Variants in MGA observed in about 807,000 individuals in gnomAD.
MGA encodes the protein MAX dimerization protein MGA.
MGA carries 40 observed loss-of-function variants against 261.1 expected under a neutral mutation model. The observed-to-expected ratio is 0.15, with a 90% confidence interval of 0.12 to 0.20. The LOEUF (loss-of-function observed/expected upper bound fraction) is 0.20, where lower values mean the gene tolerates loss of function less well. Among genes scored for constraint, MGA ranks in the 10% least tolerant of loss-of-function variants. MGA has a pLI of 1.00. For missense variants in MGA, 3,397 were observed against 3,630.5 expected, an observed-to-expected ratio of 0.94 and a Z score of 1.65; for synonymous variants, 1,302 against 1,290.6, an observed-to-expected ratio of 1.01 and a Z score of -0.19.
chr15:41,627,700 G>A (rs1054993391), intron 1 of MGA, among the ~76,000 whole-genome samples: 1 of 152,158 alleles, frequency 6.6e-6, no homozygotes, highest in Non-Finnish European at 1.5e-5. Flanking sequence ...ACAGAAAAAG[G>A]ATAGTGGATA....
intron 5 of MGA, among the ~76,000 whole-genome samples, chr15:41,702,790 G>A (rs796733527): frequency 5.3e-5 from 8 of 152,100 alleles, no homozygotes; most frequent in African/African-American, 1.4e-4. Context: ...TGAAATTATC[G>A]TCTGTCTTTG....
intron 9 of MGA, among the ~76,000 whole-genome samples, chr15:41,717,591 G>A (rs2060709659): frequency 6.6e-6 from 1 of 152,124 alleles, no homozygotes; most frequent in South Asian, 2.1e-4. Context: ...ATAGGTGACT[G>A]CTTGCCTTAT....
At chr15:41,628,017 G>A (rs778907596) in intron 1 of MGA, among the ~76,000 whole-genome samples, 7 of 152,118 alleles carry the variant, frequency 4.6e-5, no homozygotes, top group Non-Finnish European at 1.0e-4. Context: ...ATTGAGCATT[G>A]AACAGGACAA....
chr15:41,711,410 G>T, intron 8 of MGA, 61 bp downstream of exon 8: 1 of 1,475,460 alleles, frequency 6.8e-7, no homozygotes, highest in Non-Finnish European at 9.0e-7. Context: ...CGAGGTTAGT[G>T]AGGGGAAATG....
upstream of MGA, among the ~76,000 whole-genome samples, chr15:41,656,377 T>TCTCTCTCTCTCTCTCACACA (rs1555403733): frequency 1.5e-4 from 10 of 68,318 alleles, no homozygotes; most frequent in Non-Finnish European, 2.4e-4. Flanking sequence ...TCTCTCTCTC[T>TCTCTCTCTCTCTCTCACACA]CACACCCAGG....
intron 2 of MGA, among the ~76,000 whole-genome samples, chr15:41,674,572 C>T (rs2058273423): frequency 6.6e-6 from 1 of 151,572 alleles, no homozygotes; most frequent in South Asian, 2.1e-4. Context: ...CAGGCTGAAA[C>T]GTAGTGGCGT....
intron 1 of MGA, among the ~76,000 whole-genome samples, chr15:41,666,151 T>A (rs1361465168): frequency 6.6e-6 from 1 of 151,318 alleles, no homozygotes; most frequent in African/African-American, 2.4e-5. Flanking sequence ...CACATGGGCC[T>A]CCTAAAGTGA....
chr15:41,693,535 G>C (rs1356963293), intron 2 of MGA, among the ~76,000 whole-genome samples: 1 of 152,042 alleles, frequency 6.6e-6, no homozygotes, highest in Non-Finnish European at 1.5e-5. Flanking sequence ...GGTTGCTTGT[G>C]CCTATTTTAA....
chr15:41,626,388 G>A (rs1010591271), intron 1 of MGA, among the ~76,000 whole-genome samples: 10 of 149,590 alleles, frequency 6.7e-5, no homozygotes, highest in African/African-American at 2.2e-4. Context: ...AAGTAGCTGT[G>A]ACTGCAGCTG....
At chr15:41,700,480 G>C (rs1392834204) in intron 5 of MGA, among the ~76,000 whole-genome samples, 1 of 152,116 alleles carries the variant, frequency 6.6e-6, no homozygotes, top group South Asian at 2.1e-4. Context: ...CCACTTACGA[G>C]TGAAAACATG....
At chr15:41,715,797 A>G (rs1193341759) in intron 9 of MGA, among the ~76,000 whole-genome samples, 1 of 152,182 alleles carries the variant, frequency 6.6e-6, no homozygotes, top group Non-Finnish European at 1.5e-5. Flanking sequence ...CTTTGTGTAA[A>G]TAAGATTTTA....
chr15:41,757,748 A>T, intron 18 of MGA, 40 bp from the exon 19 acceptor site: 1 of 1,541,344 alleles, frequency 6.5e-7, no homozygotes, highest in South Asian at 1.1e-5. Context: ...TTAGATTATT[A>T]AATTTCAGTA....
intron 1 of MGA, among the ~76,000 whole-genome samples, chr15:41,668,446 T>G (rs935964595): frequency 6.6e-6 from 1 of 152,202 alleles, no homozygotes; most frequent in African/African-American, 2.4e-5. Context: ...AAAGGAATCT[T>G]CTGGTAAATT....
In MGA at chr15:41,663,447, A is replaced by T. The variant is rs181028569; in HGVS notation, c.-68+2922A>T. ...ATGTTGCTAGAAGATTTATTTCTTCATGAGTAGCCTACCCTTTTCTTTTCT... is the reference window on the plus strand; with the variant it reads ...ATGTTGCTAGAAGATTTATTTCTTCTTGAGTAGCCTACCCTTTTCTTTTCT... On this transcript the variant is annotated intron_variant, in intron 1 of 23. Transcript: ENST00000219905. 1.7e-4 allele frequency among the ~76,000 whole-genome samples: 26 copies of T among 151,940 alleles called. No homozygotes were observed. The East Asian group carries it at 4.7e-3, about 27-fold the overall frequency.
Position 41,764,959 on chromosome 15 carries a change from C to T in MGA, c.7818C>T (p.Thr2606=), listed in dbSNP as rs568834698. ...TGACTCCGCAAGGGCAATTGCTCAC[C>T]CTAAAAGGTCCCCTATTCTCAGGAC... Residue 2606 remains threonine (T), a synonymous_variant, in exon 23 of 24, where the codon ACC becomes ACT. Coordinates refer to ENST00000219905, the MANE Select transcript of MGA (RefSeq NM_001164273.2). 5.0e-6 allele frequency: 8 copies of T among 1,614,028 alleles called. No individual in the cohort carries two copies. The East Asian group carries it at 1.3e-4, about 27-fold the overall frequency.
intron 1 of MGA, among the ~76,000 whole-genome samples, chr15:41,653,149 C>G (rs2150733000): frequency 6.6e-6 from 1 of 152,134 alleles, no homozygotes; most frequent in South Asian, 2.1e-4. Flanking sequence ...GGTGGATCAC[C>G]TGAGGTCAGG....
Position 41,750,625 on chromosome 15 carries a change from C to G in MGA, c.7008+10C>G. On this transcript the variant is annotated intron_variant, in intron 17 of 23. Transcript: ENST00000219905. Reference sequence around the variant, plus strand: ...TGATGATGTAGAAAAGGTGGTGAGCCCATTTTTGTTGTGACTGAAACCTAA... The same window carrying G: ...TGATGATGTAGAAAAGGTGGTGAGCGCATTTTTGTTGTGACTGAAACCTAA... 1 of 1,590,096 alleles carries G rather than the reference C, an allele frequency of 6.3e-7. No homozygotes were observed. The highest frequency in any genetic ancestry group is 8.5e-7 in the Non-Finnish European group (1 of 1,169,932).
At position 41,729,272 on chromosome 15, in the gene MGA, T is replaced by G; in HGVS notation, c.3766T>G (p.Ser1256Ala). 1 of 1,613,792 alleles carries G rather than the reference T, an allele frequency of 6.2e-7. No individual in the cohort carries two copies. Among genetic ancestry groups the G allele is most frequent in the Non-Finnish European group, 8.5e-7 (1 of 1,179,768 alleles). Reference sequence around the variant, plus strand: ...AAAAGAGGACCAGAGACAACCATCTTCCTCCTCCTCCCCATCTCCATCATT... The same window carrying G: ...AAAAGAGGACCAGAGACAACCATCTGCCTCCTCCTCCCCATCTCCATCATT... Residue 1256 changes from serine to alanine, a missense_variant, in exon 11 of 24, where the codon TCC (serine) becomes GCC (alanine). Physicochemically the swap from Ser to Ala is moderately conservative, Grantham distance 99. This residue lies in a region of MGA where 1,410 missense variants were observed against 1,386.4 expected (regional missense o/e 1.02). Coordinates refer to ENST00000219905, the MANE Select transcript of MGA (RefSeq NM_001164273.2).
intron 2 of MGA, among the ~76,000 whole-genome samples, chr15:41,675,734 T>A (rs2058339594): frequency 6.6e-6 from 1 of 152,166 alleles, no homozygotes; most frequent in African/African-American, 2.4e-5. Context: ...AAGTAGAAAT[T>A]CATCTTTGCC....
Sources: gnomAD v4.1 joint callset for allele counts (sites outside exome capture counted in the v4.1 genomes callset) on GRCh38, gnomAD v4.1.1 for gene constraint, gnomAD v4.1.1 regional missense constraint, MANE v1.5 for transcripts, NCBI Gene and HGNC (gene_info 2026-07-23, HGNC 2026-07-21) for gene names.